Variants in HMGXB4 observed in about 807,000 individuals in gnomAD.
The protein encoded by HMGXB4 is HMG-box containing 4, also known as HMG domain-containing protein 4.
A neutral mutation model predicts 63.9 loss-of-function variants in HMGXB4; 27 were observed. The ratio of observed to expected loss-of-function variants is 0.42; its 90% CI spans 0.31 to 0.58. The LOEUF is 0.58. HMGXB4 is among the 20% of genes least tolerant of loss of function. HMGXB4 has a pLI of 0.13. For synonymous variants in HMGXB4, 264 were observed against 265.3 expected, an observed-to-expected ratio of 0.99 and a Z score of 0.05; for missense variants, 624 against 700.7, an observed-to-expected ratio of 0.89 and a Z score of 1.24.
chr22:35,261,050 A>G (rs1028645517), intron 1 of HMGXB4, among the ~76,000 whole-genome samples: 2 of 152,250 alleles, frequency 1.3e-5, no homozygotes, highest in Non-Finnish European at 2.9e-5. Flanking sequence ...TAAGCATCTG[A>G]CTTAATTGGA....
In HMGXB4 at chr22:35,267,916, T is replaced by C. The variant is rs373769674; in HGVS notation, c.1215+2313T>C. On this transcript the variant is annotated intron_variant, in intron 5 of 10. Coordinates refer to ENST00000216106, the MANE Select transcript of HMGXB4 (RefSeq NM_001003681.3). Reference sequence around the variant, plus strand: ...TCACCCCTAAACACTTCAGTTTGCATATCATTAACCTGAGTTCAATATTTG... The same window carrying C: ...TCACCCCTAAACACTTCAGTTTGCACATCATTAACCTGAGTTCAATATTTG... Among the ~76,000 whole-genome samples, 76 of 152,356 alleles carry C rather than the reference T, an allele frequency of 5.0e-4. 1 individual carries two copies. In the East Asian group the frequency reaches 9.4e-3, roughly 19 times the overall value.
In HMGXB4 at chr22:35,283,989, C is replaced by G; in HGVS notation, c.1243C>G (p.Gln415Glu). ...KPKKKNMSAY[Q>E]VFCKEYRVTI... ...AAAAAAGAAGAACATGTCGGCCTAC[C>G]AGGTGTTCTGTAAAGAGTATCGCGT... The change falls in exon 6 of 11, where the codon CAG becomes GAG. Residue 415 changes from glutamine (Q) to glutamate (E), a missense_variant. Coordinates refer to ENST00000216106, the MANE Select transcript of HMGXB4 (RefSeq NM_001003681.3). 1 of 1,613,982 alleles carries G rather than the reference C, an allele frequency of 6.2e-7. No individual in the cohort carries two copies. The highest frequency in any genetic ancestry group is 8.5e-7 in the Non-Finnish European group (1 of 1,179,870).
At chr22:35,276,171 G>A (rs1310270181) in intron 5 of HMGXB4, among the ~76,000 whole-genome samples, 1 of 152,166 alleles carries the variant, frequency 6.6e-6, no homozygotes, top group Admixed American at 6.5e-5. Context: ...CAGTGGTTAG[G>A]TTTTAAGTCA....
chr22:35,252,969 T>C (rs1922249197), upstream of HMGXB4, among the ~76,000 whole-genome samples: 1 of 151,864 alleles, frequency 6.6e-6, no homozygotes, highest in Non-Finnish European at 1.5e-5. Flanking sequence ...CCATCTCTAC[T>C]AAAAACACAA....
intron 1 of HMGXB4, among the ~76,000 whole-genome samples, chr22:35,261,631 G>A (rs1922862253): frequency 1.3e-5 from 2 of 152,224 alleles, no homozygotes; most frequent in South Asian, 4.1e-4. Context: ...TTTATGACCA[G>A]TGGACAAATG....
chr22:35,253,603 G>A (rs1176507329), upstream of HMGXB4, among the ~76,000 whole-genome samples: 2 of 38,234 alleles, frequency 5.2e-5, no homozygotes, highest in Non-Finnish European at 2.8e-4. Flanking sequence ...GATTTTGTGC[G>A]CGCGCGCGCG....
chr22:35,263,090 G>A lies in HMGXB4; in HGVS notation c.44G>A (p.Gly15Asp), dbSNP rs1353090552. Residue 15 changes from glycine to aspartate, a missense_variant, in exon 3 of 11, where the codon GGT becomes GAT. Gly to Asp is a moderately conservative substitution (Grantham distance 94). This residue lies in a region of HMGXB4 where 472 missense variants were observed against 470.6 expected (regional missense o/e 1.00). Transcript: ENST00000216106. ...DSVKKEDCFD[G>D]DHTFEDIGLA... is the part of the protein sequence containing the mutation. The stretch of plus-strand genomic sequence containing the variant: ...CTGTGCTTCTCAGATTGTTTTGATG[G>A]TGATCATACCTTTGAGGACATAGGA... The A allele has an allele frequency of 6.2e-7, 1 of 1,613,452 alleles. No homozygotes were observed. The highest frequency in any genetic ancestry group is 1.7e-5 in the Admixed American group (1 of 59,808).
intron 2 of HMGXB4, 40 bp from the exon 3 acceptor site, chr22:35,263,038 C>T: frequency 1.3e-6 from 2 of 1,599,416 alleles, no homozygotes; most frequent in Non-Finnish European, 1.7e-6. Context: ...ACTTACTTGA[C>T]TTTCTCATTT....
intron 5 of HMGXB4, among the ~76,000 whole-genome samples, chr22:35,267,775 G>C (rs1233354251): frequency 6.6e-6 from 1 of 152,120 alleles, no homozygotes; most frequent in African/African-American, 2.4e-5. Flanking sequence ...CCTCCACCAG[G>C]AGTTTACAGT....
the HMGXB4 span, among the ~76,000 whole-genome samples, chr22:35,245,751 G>T: frequency 6.6e-6 from 1 of 152,194 alleles, no homozygotes; most frequent in African/African-American, 2.4e-5. Flanking sequence ...GGGGGTAGAA[G>T]TCCAGGTTGC....
At chr22:35,274,501 T>A (rs1199903158) in intron 5 of HMGXB4, among the ~76,000 whole-genome samples, 1 of 152,230 alleles carries the variant, frequency 6.6e-6, no homozygotes, top group Non-Finnish European at 1.5e-5. Flanking sequence ...TTCTAGGCAC[T>A]ACACTAGTTT....
intron 5 of HMGXB4, among the ~76,000 whole-genome samples, chr22:35,268,874 T>C (rs771158835): frequency 5.9e-5 from 9 of 152,192 alleles, no homozygotes; most frequent in Non-Finnish European, 1.3e-4. Context: ...CTTCCTCTTC[T>C]TACATATTGA....
At chr22:35,244,333 G>A in the HMGXB4 span, among the ~76,000 whole-genome samples, 1,483 of 141,732 alleles carry the variant, frequency 0.01, 25 homozygotes, top group African/African-American at 0.037. Context: ...TTGCTCTGTC[G>A]CCCAGGCTGG....
chr22:35,288,724 G>A (rs900260227), intron 9 of HMGXB4, among the ~76,000 whole-genome samples: 9 of 152,122 alleles, frequency 5.9e-5, no homozygotes, highest in South Asian at 2.1e-4. Flanking sequence ...AGTGGCTCAC[G>A]CCTGTAATGC....
At chr22:35,269,442 G>A (rs990179599) in intron 5 of HMGXB4, among the ~76,000 whole-genome samples, 1 of 152,182 alleles carries the variant, frequency 6.6e-6, no homozygotes, top group Non-Finnish European at 1.5e-5. Flanking sequence ...TAGCAGCACT[G>A]TCTGCTTGGG....
In HMGXB4 at chr22:35,295,630, G is replaced by A. The variant is rs1227109762; in HGVS notation, c.*1979G>A. 6 of 152,398 alleles carry A rather than the reference G, an allele frequency of 3.9e-5. No homozygotes were observed. In the South Asian group the frequency reaches 6.2e-4, roughly 16 times the overall value. 9.4% of individuals were successfully genotyped at this position (152,398 alleles called of 1,614,324 possible). On this transcript the variant is annotated 3_prime_UTR_variant, in exon 11 of 11. Coordinates refer to ENST00000216106, the MANE Select transcript of HMGXB4 (RefSeq NM_001003681.3). ...TTTGTATAATAATCTGTACCTTGTG[G>A]TATTTGGTACTATTAGAGGAAAAAC...
intron 5 of HMGXB4, among the ~76,000 whole-genome samples, chr22:35,265,965 T>C (rs907572859): frequency 2.6e-5 from 4 of 151,232 alleles, no homozygotes; most frequent in Admixed American, 1.3e-4. Context: ...TTTTTTGTAT[T>C]TTTAATAGAG....
At chr22:35,288,495 A>G in intron 9 of HMGXB4, 88 bp downstream of exon 9, 1 of 1,022,792 alleles carries the variant, frequency 9.8e-7, no homozygotes, top group South Asian at 2.4e-5. Flanking sequence ...ACATACATGT[A>G]TTGAGCATCT....
intron 5 of HMGXB4, among the ~76,000 whole-genome samples, chr22:35,279,548 A>C (rs971784625): frequency 1.2e-4 from 19 of 152,112 alleles, no homozygotes; most frequent in Non-Finnish European, 1.5e-5. Flanking sequence ...GTTTCTGAAA[A>C]GTAATTGCCA....
Sources: allele counts gnomAD v4.1 joint callset (sites outside exome capture counted in the v4.1 genomes callset), GRCh38; gene constraint gnomAD v4.1.1; regional missense constraint gnomAD v4.1.1; transcripts MANE v1.5; gene names NCBI Gene and HGNC (gene_info 2026-07-23, HGNC 2026-07-21).